AXDND1: variants seen among roughly 807,000 people sequenced by gnomAD.
AXDND1 encodes axonemal dynein light chain domain containing 1.
In AXDND1, 110 loss-of-function variants were observed where a neutral mutation model predicts 137.5. The ratio of observed to expected loss-of-function variants is 0.80; its 90% CI spans 0.69 to 0.94. AXDND1 has a LOEUF of 0.94. Among genes scored for constraint, AXDND1 ranks in the 40% least tolerant of loss-of-function variants. AXDND1 has a pLI of 0.00. For missense variants in AXDND1, 1,191 were observed against 1,169.8 expected, an observed-to-expected ratio of 1.02 and a Z score of -0.26; for synonymous variants, 414 against 399.7, an observed-to-expected ratio of 1.04 and a Z score of -0.43.
At chr1:179,412,345 GATTAAAA>G (rs1654026684) in intron 12 of AXDND1, among the ~76,000 whole-genome samples, 1 of 152,180 alleles carries the variant, frequency 6.6e-6, no homozygotes, top group African/African-American at 2.4e-5. Flanking sequence ...ATCCTCAAAA[GATTAAAA>G]AATGAGTTCA....
rs1197082481 is a variant in AXDND1 at position 179,482,685 on chromosome 1, C to T, written c.1998-443C>T. On this transcript the variant is annotated intron_variant, in intron 17 of 25. Transcript: ENST00000367618. The stretch of plus-strand genomic sequence containing the variant: ...TTCTCCATAGCACCATTTTTAGAGG[C>T]TTTAAGTGGTGTATTTAAAAAAATA... 6.6e-5 allele frequency among the ~76,000 whole-genome samples: 10 copies of T among 151,898 alleles called. No homozygotes were observed. The East Asian group carries it at 1.4e-3, about 21-fold the overall frequency.
At position 179,498,974 on chromosome 1, in the gene AXDND1, G is replaced by C. The variant is rs545096465; in HGVS notation, c.2388+6023G>C. ...AGAAAAAGGAAAACTGTTATTCACT[G>C]TTGTTGGGAATGTAAATTAGTCTAG... On this transcript the variant is annotated intron_variant, in intron 20 of 25. Transcript: ENST00000367618. 3.3e-5 allele frequency among the ~76,000 whole-genome samples: 5 copies of C among 152,230 alleles called. No individual in the cohort carries two copies. In the South Asian group the frequency reaches 1.0e-3, roughly 32 times the overall value.
chr1:179,373,422 A>G (rs534026923), intron 4 of AXDND1, among the ~76,000 whole-genome samples: 131 of 152,340 alleles, frequency 8.6e-4, no homozygotes, highest in African/African-American at 2.3e-3. Context: ...TGTAGATTCA[A>G]TGCTATCCCC....
At chr1:179,538,287 G>T (rs1572208883) in intron 25 of AXDND1, among the ~76,000 whole-genome samples, 1 of 152,050 alleles carries the variant, frequency 6.6e-6, no homozygotes, top group East Asian at 1.9e-4. Flanking sequence ...TGATGTTAGG[G>T]TGTCAATGTT....
At position 179,383,549 on chromosome 1, in the gene AXDND1, T is replaced by C. The variant is rs1648734370; in HGVS notation, c.741+5T>C. On this transcript the variant is annotated splice_donor_5th_base_variant and intron_variant, in intron 8 of 25. Coordinates refer to ENST00000367618, the MANE Select transcript of AXDND1 (RefSeq NM_144696.6). ...GAATATACAGGACCAACGAAGGTAA[T>C]TGCAAAGCCGAATGCAACCTGGTGG... 1 of 1,607,942 alleles carries C rather than the reference T, an allele frequency of 6.2e-7. No homozygotes were observed. The highest frequency in any genetic ancestry group is 1.3e-5 in the African/African-American group (1 of 74,860).
intron 21 of AXDND1, among the ~76,000 whole-genome samples, chr1:179,519,429 G>C (rs775822190): frequency 6.6e-6 from 1 of 152,098 alleles, no homozygotes; most frequent in African/African-American, 2.4e-5. Context: ...TGTTGCAATT[G>C]TTTTTGGCAT....
At chr1:179,394,478 T>C (rs1195836641) in intron 10 of AXDND1, among the ~76,000 whole-genome samples, 1 of 151,944 alleles carries the variant, frequency 6.6e-6, no homozygotes, top group Non-Finnish European at 1.5e-5. Flanking sequence ...TAATCCCAAC[T>C]ACTGGGGAGG....
In AXDND1 at chr1:179,466,282, C is replaced by CTTTTT. The variant is rs1491121382; in HGVS notation, c.1799-2159_1799-2158insTTTTT. On this transcript the variant is annotated intron_variant, in intron 16 of 25. Transcript: ENST00000367618. ...TTTCTTTTCTTTCTTTCTTCTTCTT[C>CTTTTT]TTCTTTTTTTTTTTTTTTTTTGAGA... Among the ~76,000 whole-genome samples, 244 of 95,580 alleles carry CTTTTT rather than the reference C, an allele frequency of 2.6e-3. 1 individual carries two copies. Among genetic ancestry groups the CTTTTT allele is most frequent in the East Asian group, 5.2e-3 (15 of 2,872 alleles). 62.7% of individuals were successfully genotyped at this position (95,580 alleles called of 152,430 possible). A position where few individuals can be genotyped will look rare whatever the true frequency, so the allele number is the denominator to read the frequency against.
chr1:179,487,178 A>G lies in AXDND1; in HGVS notation c.2091+3957A>G, dbSNP rs182698911. On this transcript the variant is annotated intron_variant, in intron 18 of 25. Coordinates refer to ENST00000367618, the MANE Select transcript of AXDND1 (RefSeq NM_144696.6). ...ACAAGAGTTGCTATTCTAATTTCAG[A>G]AAAAACAGACATTTATTTTCCCTCC... 4.3e-3 allele frequency among the ~76,000 whole-genome samples: 637 copies of G among 148,770 alleles called. 48 individuals carry two copies. The highest frequency in any genetic ancestry group is 7.1e-3 in the Non-Finnish European group (480 of 67,388).
At chr1:179,546,310 T>A (rs1672638264) in intron 25 of AXDND1, 1 of 143,680 alleles carries the variant, frequency 7.0e-6, no homozygotes, top group African/African-American at 2.6e-5. Flanking sequence ...GTTAGGTGGT[T>A]AAAAAAAAAA....
chr1:179,532,840 G>A (rs1166306572), intron 23 of AXDND1: 2 of 152,262 alleles, frequency 1.3e-5, no homozygotes, highest in Non-Finnish European at 2.9e-5. Context: ...AGCTATGATT[G>A]TGCCACTGCA....
intron 23 of AXDND1, among the ~76,000 whole-genome samples, chr1:179,531,331 A>G (rs1486653691): frequency 6.6e-6 from 1 of 152,160 alleles, no homozygotes; most frequent in Non-Finnish European, 1.5e-5. Flanking sequence ...CTCTGGAATA[A>G]TGGCTGAATT....
At chr1:179,379,548 C>A in intron 6 of AXDND1, 66 bp downstream of exon 6, 1 of 1,570,314 alleles carries the variant, frequency 6.4e-7, no homozygotes, top group South Asian at 1.2e-5. Context: ...AATCCCAGCA[C>A]TTTGCGAGGC....
chr1:179,525,461 G>A lies in AXDND1; in HGVS notation c.2610+14G>A, dbSNP rs1250647008. ...AGAGCAGAAGAAGTAAGATTATTTG[G>A]TATTTGTTTTTCCTCCTACATACAT... On this transcript the variant is annotated intron_variant, in intron 22 of 25. Transcript: ENST00000367618. The A allele has an allele frequency of 6.3e-7, 1 of 1,587,676 alleles. No homozygotes were observed. Among genetic ancestry groups the A allele is most frequent in the Admixed American group, 1.7e-5 (1 of 57,312 alleles).
At chr1:179,460,141 C>T (rs1188686732) in intron 16 of AXDND1, among the ~76,000 whole-genome samples, 1 of 151,920 alleles carries the variant, frequency 6.6e-6, no homozygotes, top group Admixed American at 6.6e-5. Context: ...GTGCTGCACC[C>T]ATTAACTCAT....
At chr1:179,495,106 A>G (rs1667312405) in intron 20 of AXDND1, among the ~76,000 whole-genome samples, 1 of 151,952 alleles carries the variant, frequency 6.6e-6, no homozygotes, top group South Asian at 2.1e-4. Context: ...CTTCATTACT[A>G]TTGTTTTGTA....
chr1:179,492,451 AAC>A (rs879436627), intron 19 of AXDND1, among the ~76,000 whole-genome samples: 9,005 of 49,704 alleles, frequency 0.18, 298 homozygotes, highest in Middle Eastern at 0.22. Flanking sequence ...AAAAAAAAAC[AAC>A]AACCCACAAA....
chr1:179,475,115 G>A (rs545461705), intron 17 of AXDND1, among the ~76,000 whole-genome samples: 1 of 152,348 alleles, frequency 6.6e-6, no homozygotes, highest in African/African-American at 2.4e-5. Flanking sequence ...AGGATGTATG[G>A]AAGTGCTTGG....
At chr1:179,414,886 G>A (rs1654458714) in intron 12 of AXDND1, among the ~76,000 whole-genome samples, 1 of 152,098 alleles carries the variant, frequency 6.6e-6, no homozygotes, top group Admixed American at 6.6e-5. Flanking sequence ...TGTACTTTTA[G>A]ACATCAAAAT....
Sources: gnomAD v4.1 joint callset for allele counts (sites outside exome capture counted in the v4.1 genomes callset) on GRCh38, gnomAD v4.1.1 for gene constraint, MANE v1.5 for transcripts, NCBI Gene and HGNC (gene_info 2026-07-23, HGNC 2026-07-21) for gene names.